The following EP400 variants were observed in gnomAD, a reference collection of about 807,000 sequenced individuals.
EP400 encodes E1A binding protein p400.
A neutral mutation model predicts 354.1 loss-of-function variants in EP400; 105 were observed. The observed-to-expected ratio is 0.30, with a 90% CI of 0.25 to 0.35. The LOEUF (loss-of-function observed/expected upper bound fraction) is 0.35, where lower values mean the gene tolerates loss of function less well. EP400 is among the 10% of genes least tolerant of loss of function. The pLI is 1.00. For missense variants in EP400, 3,280 were observed against 4,121.0 expected (o/e 0.80, Z 5.59); for synonymous variants, 1,646 against 1,716.9 (o/e 0.96, Z 1.02).
At position 132,045,500 on chromosome 12, in the gene EP400, A is replaced by G. The variant is rs1449115157; in HGVS notation, c.6966A>G (p.Thr2322=). Residue 2322 remains threonine, a synonymous_variant, in exon 38 of 53, where the codon ACA becomes ACG. Coordinates refer to ENST00000389561, the MANE Select transcript of EP400 (RefSeq NM_015409.5). ...CCCTGCCAACTTTTGCCAAACCCAC[A>G]GCTGAGCCTGGTCAAGACAACCCCG... is the stretch of plus-strand genomic sequence containing the variant. The part of the protein sequence containing the change: ...AKPLPTFAKP[T]AEPGQDNPEW... The G allele has an allele frequency of 6.2e-7, 1 of 1,614,176 alleles. No homozygotes were observed.
chr12:132,069,720 C>T (rs889803066), intron 51 of EP400, 79 bp downstream of exon 51: 22 of 1,574,066 alleles, frequency 1.4e-5, no homozygotes, highest in South Asian at 2.3e-5. Flanking sequence ...GCGGGCTTTG[C>T]GAGCTCCCAG....
rs1193755266 is a variant in EP400, at chr12:132,011,642, T to C, written c.3441+8T>C. On this transcript the variant is annotated splice_region_variant and intron_variant, in intron 16 of 52. Coordinates refer to ENST00000389561, the MANE Select transcript of EP400 (RefSeq NM_015409.5). Reference sequence around the variant, plus strand: ...CTCAAAGCAAAGAGACAGGTATTTTTTTTTTAAACATAAAATAAAGCTAAA... The same window carrying C: ...CTCAAAGCAAAGAGACAGGTATTTTCTTTTTAAACATAAAATAAAGCTAAA... 2.5e-6 allele frequency: 4 copies of C among 1,586,084 alleles called. No homozygotes were observed. In the Admixed American group the frequency reaches 7.8e-5, roughly 31 times the overall value.
chr12:131,986,619 G>C lies in EP400; in HGVS notation c.2035G>C (p.Gly679Arg), dbSNP rs747983262. Residue 679 changes from glycine to arginine, a missense_variant, in exon 6 of 53, where the codon GGA (glycine) becomes CGA (arginine). By Grantham distance (125) the Gly-to-Arg change is moderately radical. Around this residue, in one of 20 missense-constraint regions of EP400, gnomAD observed 800 missense variants for 840.0 expected, o/e 0.95. Transcript: ENST00000389561. ...SLAPVSGSGP[G>R]PSPARSSPVN... ...CGCGCCTGTGAGTGGCTCCGGCCCAGGACCCTCCCCTGCTCGATCCTCTCC... is the reference window on the plus strand; with the variant it reads ...CGCGCCTGTGAGTGGCTCCGGCCCACGACCCTCCCCTGCTCGATCCTCTCC... 41 of 1,613,894 alleles carry C rather than the reference G, an allele frequency of 2.5e-5. No individual in the cohort carries two copies. The highest frequency in any genetic ancestry group is 3.4e-5 in the Non-Finnish European group (40 of 1,180,030).
chr12:131,981,907 A>T (rs1308660486), intron 4 of EP400, among the ~76,000 whole-genome samples, 186 bp from the exon 5 acceptor site: 1 of 152,042 alleles, frequency 6.6e-6, no homozygotes, highest in Non-Finnish European at 1.5e-5. Flanking sequence ...GTTTTGCTTG[A>T]TGCTGACTTG....
At chr12:132,005,535 C>T (rs2136522969) in intron 13 of EP400, among the ~76,000 whole-genome samples, 1 of 152,298 alleles carries the variant, frequency 6.6e-6, no homozygotes, top group Middle Eastern at 3.4e-3. Context: ...ATTAGACTTT[C>T]TAAACAGATG....
chr12:132,076,664 C>T, intron 52 of EP400, 71 bp downstream of exon 52: 1 of 1,373,872 alleles, frequency 7.3e-7, no homozygotes, highest in Non-Finnish European at 1.0e-6. Flanking sequence ...CATCTGAGGT[C>T]ATGATTAGGG....
At chr12:131,956,092 A>G (rs1367426435) in intron 1 of EP400, among the ~76,000 whole-genome samples, 1 of 152,102 alleles carries the variant, frequency 6.6e-6, no homozygotes, top group Non-Finnish European at 1.5e-5. Context: ...GTTCTGTTCT[A>G]GTCTCTGTCC....
intron 33 of EP400, 74 bp downstream of exon 33, chr12:132,043,536 G>T: frequency 6.3e-7 from 1 of 1,580,964 alleles, no homozygotes; most frequent in East Asian, 2.3e-5. Flanking sequence ...ATTGTTTACT[G>T]CAAGAAAAAT....
intron 2 of EP400, among the ~76,000 whole-genome samples, chr12:131,965,948 A>T (rs571837865): frequency 1.3e-5 from 2 of 152,208 alleles, no homozygotes; most frequent in Non-Finnish European, 2.9e-5. Context: ...TTTCATGTCA[A>T]CATAGGTATT....
At position 132,050,251 on chromosome 12, in the gene EP400, G is replaced by GA. The variant is rs1895246583; in HGVS notation, c.7201-71dup. ...GTTTAGCCTCAGATTCCCACCCAGTGAGCCCTGTGTCCCACGCAGCCGTCT... is the reference window on the plus strand; with the variant it reads ...GTTTAGCCTCAGATTCCCACCCAGTGAAGCCCTGTGTCCCACGCAGCCGTCT... On this transcript the variant is annotated intron_variant, in intron 39 of 52. Transcript: ENST00000389561. This position sits in a 1 kb window ranked among gnomAD's most constrained non-coding sequence, Gnocchi z 4.8. The GA allele has an allele frequency of 6.4e-7, 1 of 1,565,970 alleles. No individual in the cohort carries two copies.
At chr12:132,043,160 C>CT in intron 32 of EP400, 144 bp from the exon 33 acceptor site, 1 of 823,066 alleles carries the variant, frequency 1.2e-6, no homozygotes, top group Admixed American at 3.4e-5. Flanking sequence ...GTAAGAGGAC[C>CT]TCAGGGAAGG....
intron 1 of EP400, among the ~76,000 whole-genome samples, chr12:131,957,026 C>T (rs1013479721): frequency 2.6e-5 from 4 of 151,748 alleles, no homozygotes; most frequent in Non-Finnish European, 5.9e-5. Context: ...CATGTGCCAC[C>T]ACGCCCGGCT....
chr12:132,013,094 G>A lies in EP400; in HGVS notation c.3527G>A (p.Arg1176His), dbSNP rs748757077. ...FRGLTAFTRV[R>H]WKCLVIDEMQ... The stretch of plus-strand genomic sequence containing the variant: ...GGCCTCACCGCCTTCACACGAGTGC[G>A]CTGGAAGTGCCTGGTCATTGATGAG... Residue 1176 changes from arginine (R) to histidine (H), a missense_variant, in exon 17 of 53, where the codon CGC becomes CAC. Arg to His is a conservative substitution (Grantham distance 29). Around this residue, in one of 20 missense-constraint regions of EP400, gnomAD observed 242 missense variants for 357.9 expected, o/e 0.68. Transcript: ENST00000389561. This position sits in a 1 kb window ranked among gnomAD's most constrained non-coding sequence, Gnocchi z 4.5. 15 of 1,613,974 alleles carry A rather than the reference G, an allele frequency of 9.3e-6. No homozygotes were observed. The Middle Eastern group carries it at 4.9e-4, about 53-fold the overall frequency.
intron 41 of EP400, among the ~76,000 whole-genome samples, chr12:132,051,919 C>T (rs762609404): frequency 4.6e-5 from 7 of 152,150 alleles, no homozygotes; most frequent in East Asian, 1.9e-4. Flanking sequence ...TCTTCCCAGA[C>T]GCTGGCGTTA....
At chr12:131,979,844 C>A in intron 3 of EP400, 51 bp downstream of exon 3, 2 of 1,472,514 alleles carry the variant, frequency 1.4e-6, no homozygotes, top group South Asian at 1.3e-5. Context: ...TCTCCTTGGG[C>A]TGCCGAGGTA....
Position 132,054,073 on chromosome 12 carries a change from G to T in EP400, c.7728+476G>T, listed in dbSNP as rs1011392494. Among the ~76,000 whole-genome samples, 1 of 152,238 alleles carries T rather than the reference G, an allele frequency of 6.6e-6. No individual in the cohort carries two copies. The highest frequency in any genetic ancestry group is 2.4e-5 in the African/African-American group (1 of 41,458). ...AAGCACACAAGAAGCATTGTGAAAA[G>T]AAAGGCAGGGTGCGGAGCTGCGGAC... is the stretch of plus-strand genomic sequence containing the variant. On this transcript the variant is annotated intron_variant, in intron 43 of 52. Transcript: ENST00000389561. This position sits in a 1 kb window ranked among gnomAD's most constrained non-coding sequence, Gnocchi z 4.0.
chr12:131,963,538 GT>G, intron 2 of EP400: 1 of 1,597,180 alleles, frequency 6.3e-7, no homozygotes, highest in Non-Finnish European at 8.5e-7. Context: ...TCAGGTAAAG[GT>G]TGTGACAGGA....
At chr12:131,972,882 C>T (rs1309635352) in intron 2 of EP400, among the ~76,000 whole-genome samples, 2 of 152,010 alleles carry the variant, frequency 1.3e-5, no homozygotes, top group Admixed American at 6.5e-5. Context: ...CAGGCGTGTA[C>T]CACCACACCC....
At position 132,051,632 on chromosome 12, in the gene EP400, GCTAA is replaced by G. The variant is rs541861165; in HGVS notation, c.7394+982_7394+985del. 4.6e-5 allele frequency among the ~76,000 whole-genome samples: 7 copies of G among 152,310 alleles called. No individual in the cohort carries two copies. In the East Asian group the frequency reaches 1.3e-3, roughly 29 times the overall value. On this transcript the variant is annotated intron_variant, in intron 41 of 52. Transcript: ENST00000389561. ...TTAGTACTTTCACTAATTTGCTGCT[GCTAA>G]CTAAACGGCAGAGCCAGGTGTACAA...
Sources: allele counts gnomAD v4.1 joint callset (sites outside exome capture counted in the v4.1 genomes callset), GRCh38; gene constraint gnomAD v4.1.1; regional missense constraint gnomAD v4.1.1; non-coding constraint Gnocchi (gnomAD v3.1); transcripts MANE v1.5; gene names NCBI Gene and HGNC (gene_info 2026-07-23, HGNC 2026-07-21).